The following CMSS1 variants were observed in gnomAD, a reference collection of about 807,000 sequenced individuals.
CMSS1 encodes cms1 ribosomal small subunit homolog.
CMSS1 carries 33 observed loss-of-function variants against 43.5 expected under a neutral mutation model. That is an observed-to-expected ratio of 0.76 (90% CI 0.57 to 1.01). CMSS1 has a LOEUF of 1.01. Among genes scored for constraint, CMSS1 ranks in the 50% least tolerant of loss-of-function variants. The probability of loss-of-function intolerance (pLI) is 0.00; values close to 1 mark genes in which losing one functional copy is unlikely to be tolerated. For synonymous variants in CMSS1, 115 were observed against 117.2 expected, an observed-to-expected ratio of 0.98 and a Z score of 0.12; for missense variants, 313 against 326.4, an observed-to-expected ratio of 0.96 and a Z score of 0.32.
At chr3:100,159,337 G>C (rs907851123) in intron 2 of CMSS1, among the ~76,000 whole-genome samples, 21 of 152,154 alleles carry the variant, frequency 1.4e-4, no homozygotes, top group African/African-American at 5.1e-4. Context: ...GAAACTGCGG[G>C]TCTTTGGCCC....
Position 100,166,408 on chromosome 3 carries a change from G to A in CMSS1, c.415+14G>A, listed in dbSNP as rs766001480. 6.6e-7 allele frequency: 1 copy of A among 1,509,396 alleles called. No homozygotes were observed. The highest frequency in any genetic ancestry group is 1.4e-5 in the African/African-American group (1 of 72,900). 93.5% of individuals were successfully genotyped at this position (1,509,396 alleles called of 1,614,324 possible). On this transcript the variant is annotated intron_variant, in intron 5 of 9. Transcript: ENST00000421999. ...ACCTAAAAGAAAGTAAGTAAACTCT[G>A]ATTTTAATCTATTTAAACTCATTCT... is the stretch of plus-strand genomic sequence containing the variant.
At chr3:99,881,784 C>T (rs769068630) in intron 1 of CMSS1, among the ~76,000 whole-genome samples, 3 of 152,132 alleles carry the variant, frequency 2.0e-5, no homozygotes, top group Non-Finnish European at 4.4e-5. Context: ...CTGCCCGCCT[C>T]GGCCTTCCAA....
At chr3:100,073,909 C>T (rs1054124729) in intron 1 of CMSS1, among the ~76,000 whole-genome samples, 4 of 152,138 alleles carry the variant, frequency 2.6e-5, no homozygotes, top group African/African-American at 9.7e-5. Flanking sequence ...TTTGATTGCC[C>T]ACTGAAGTTT....
intron 1 of CMSS1, among the ~76,000 whole-genome samples, chr3:99,874,695 C>T (rs1261375781): frequency 6.6e-6 from 1 of 152,166 alleles, no homozygotes; most frequent in Non-Finnish European, 1.5e-5. Context: ...CTTTTAAAAA[C>T]CATCCAACAG....
At chr3:99,985,014 G>T (rs554132255) in intron 1 of CMSS1, among the ~76,000 whole-genome samples, 1 of 152,118 alleles carries the variant, frequency 6.6e-6, no homozygotes, top group Non-Finnish European at 1.5e-5. Context: ...ATACTTAAAG[G>T]GGTTGCCGTG....
chr3:100,163,645 CTCTCA>C, intron 4 of CMSS1, among the ~76,000 whole-genome samples: 1 of 152,264 alleles, frequency 6.6e-6, no homozygotes, highest in South Asian at 2.1e-4. Context: ...TAAGTGGATC[CTCTCA>C]TCTCAGCCTC....
In CMSS1 at chr3:99,975,446, G is replaced by A. The variant is rs144683437; in HGVS notation, c.64+157403G>A. ...GTCTCTGCTAAAAATACAAAAATTAGCTGAGTATGGTGGCGGGCGCCTGTA... is the reference window on the plus strand; with the variant it reads ...GTCTCTGCTAAAAATACAAAAATTAACTGAGTATGGTGGCGGGCGCCTGTA... On this transcript the variant is annotated intron_variant, in intron 1 of 9. Transcript: ENST00000421999. 3.7e-3 allele frequency among the ~76,000 whole-genome samples: 568 copies of A among 152,150 alleles called. 3 individuals are homozygous for A. Among genetic ancestry groups the A allele is most frequent in the African/African-American group, 0.013 (540 of 41,502 alleles).
At chr3:100,129,576 T>C (rs553761940) in intron 1 of CMSS1, among the ~76,000 whole-genome samples, 7 of 152,330 alleles carry the variant, frequency 4.6e-5, no homozygotes, top group Admixed American at 1.3e-4. Flanking sequence ...TGATTAAGTT[T>C]GGGCTTGAAA....
At chr3:99,880,615 T>C (rs1052577482) in intron 1 of CMSS1, among the ~76,000 whole-genome samples, 1 of 152,196 alleles carries the variant, frequency 6.6e-6, no homozygotes, top group Admixed American at 6.5e-5. Context: ...TCCTTTGTTA[T>C]TAAAACATTA....
intron 1 of CMSS1, among the ~76,000 whole-genome samples, chr3:99,832,556 A>AG (rs1942713263): frequency 1.1e-5 from 1 of 87,514 alleles, no homozygotes; most frequent in Admixed American, 1.0e-4. Flanking sequence ...AAAAAAAAAA[A>AG]AAAAGGCCTA....
chr3:99,948,999 A>T (rs1250976492), intron 1 of CMSS1, among the ~76,000 whole-genome samples: 1 of 152,168 alleles, frequency 6.6e-6, no homozygotes, highest in Admixed American at 6.6e-5. Flanking sequence ...TTCTTTCAAG[A>T]TATATCCAGA....
intron 1 of CMSS1, among the ~76,000 whole-genome samples, chr3:99,868,120 A>G (rs1944611825): frequency 3.9e-5 from 6 of 152,162 alleles, no homozygotes; most frequent in Admixed American, 3.9e-4. Flanking sequence ...CTAGCTTTTA[A>G]GCCTTTTGCA....
chr3:100,161,181 T>C (rs1054754350), intron 3 of CMSS1, among the ~76,000 whole-genome samples: 7 of 152,118 alleles, frequency 4.6e-5, no homozygotes, highest in African/African-American at 1.7e-4. Context: ...GGAAATACGA[T>C]TGGGATTAGA....
intron 1 of CMSS1, among the ~76,000 whole-genome samples, chr3:99,975,528 G>A (rs1216778609): frequency 2.6e-5 from 4 of 151,774 alleles, no homozygotes; most frequent in South Asian, 4.1e-4. Flanking sequence ...GGAGGCAGAC[G>A]TTGCAGTGAG....
chr3:100,115,492 C>T (rs988901818), intron 1 of CMSS1, among the ~76,000 whole-genome samples: 1 of 151,908 alleles, frequency 6.6e-6, no homozygotes, highest in African/African-American at 2.4e-5. Flanking sequence ...TTTCCATATG[C>T]TCTTCACTAA....
At chr3:99,950,677 A>G (rs1283730739) in intron 1 of CMSS1, among the ~76,000 whole-genome samples, 1 of 152,214 alleles carries the variant, frequency 6.6e-6, no homozygotes, top group Non-Finnish European at 1.5e-5. Context: ...AGAAAGAGGA[A>G]TGGAGGCAGC....
At chr3:100,029,664 T>C (rs1576654453) in intron 1 of CMSS1, among the ~76,000 whole-genome samples, 1 of 152,194 alleles carries the variant, frequency 6.6e-6, no homozygotes, top group African/African-American at 2.4e-5. Context: ...CCATAGAAGA[T>C]AGAATAAGAC....
At chr3:99,946,588 C>T (rs151238551) in intron 1 of CMSS1, among the ~76,000 whole-genome samples, 1,708 of 152,276 alleles carry the variant, frequency 0.011, 17 homozygotes, top group African/African-American at 0.025. Context: ...CTGAAAAAAG[C>T]AAATGATGCC....
intron 1 of CMSS1, among the ~76,000 whole-genome samples, chr3:99,943,606 A>AGG (rs1397671564): frequency 6.6e-6 from 1 of 152,084 alleles, no homozygotes; most frequent in Non-Finnish European, 1.5e-5. Flanking sequence ...CGGGAGGCTG[A>AGG]GGCAGGAGAA....
Sources: allele counts gnomAD v4.1 joint callset (sites outside exome capture counted in the v4.1 genomes callset), GRCh38; gene constraint gnomAD v4.1.1; transcripts MANE v1.5; gene names NCBI Gene and HGNC (gene_info 2026-07-23, HGNC 2026-07-21).